GPC5: variants seen among roughly 807,000 people sequenced by gnomAD.
GPC5 encodes the protein glypican-5.
Under a neutral mutation model 53.9 loss-of-function variants are expected in GPC5, and 47 were observed. That is an observed-to-expected ratio of 0.87 (90% CI 0.69 to 1.11). The LOEUF (loss-of-function observed/expected upper bound fraction) is 1.11. GPC5 is among the 50% of genes most tolerant of loss of function. GPC5 has a pLI of 0.00. For missense variants in GPC5, 748 were observed against 713.1 expected, an observed-to-expected ratio of 1.05 and a Z score of -0.56; for synonymous variants, 286 against 263.3, an observed-to-expected ratio of 1.09 and a Z score of -0.84.
intron 6 of GPC5, among the ~76,000 whole-genome samples, chr13:91,930,342 C>T (rs1349281870): frequency 6.6e-6 from 1 of 151,964 alleles, no homozygotes; most frequent in Non-Finnish European, 1.5e-5. Context: ...AACACATATC[C>T]AACCTCAAAT....
At chr13:92,418,967 A>G (rs1410919651) in intron 7 of GPC5, among the ~76,000 whole-genome samples, 1 of 152,230 alleles carries the variant, frequency 6.6e-6, no homozygotes, top group Non-Finnish European at 1.5e-5. Context: ...AACCCTGGAG[A>G]GTAAACATTG....
At chr13:92,405,929 A>G (rs1200732338) in intron 7 of GPC5, among the ~76,000 whole-genome samples, 3 of 152,242 alleles carry the variant, frequency 2.0e-5, no homozygotes, top group Non-Finnish European at 4.4e-5. Flanking sequence ...CCTTCCAAGT[A>G]TCAGAGAGAA....
intron 7 of GPC5, among the ~76,000 whole-genome samples, chr13:92,597,088 G>A (rs1453257932): frequency 2.6e-5 from 4 of 151,934 alleles, no homozygotes; most frequent in South Asian, 2.1e-4. Flanking sequence ...TTTATTTTAC[G>A]AATCACAAAC....
chr13:92,595,685 G>A (rs1483522283), intron 7 of GPC5, among the ~76,000 whole-genome samples: 2 of 145,778 alleles, frequency 1.4e-5, no homozygotes, highest in African/African-American at 5.0e-5. Flanking sequence ...GGAGAATGGC[G>A]TGAACCCGGG....
At chr13:91,777,507 C>T (rs1309276787) in intron 5 of GPC5, among the ~76,000 whole-genome samples, 1 of 152,150 alleles carries the variant, frequency 6.6e-6, no homozygotes, top group African/African-American at 2.4e-5. Context: ...TATAAAATAG[C>T]AGTGCCCAAT....
In GPC5 at chr13:92,038,663, T is replaced by C. The variant is rs563672401; in HGVS notation, c.1402-106167T>C. Among the ~76,000 whole-genome samples the C allele has an allele frequency of 9.6e-4, 130 of 135,750 alleles. 1 individual carries two copies. The Middle Eastern group carries it at 0.037, about 39-fold the overall frequency. The allele number at this position is 135,750 out of a possible 152,430, so 89.1% of individuals were successfully genotyped here. ...CCTCAATGTACAATAAACACTTTAG[T>C]ACAAATCTATATAGATAGATAGATA... is the stretch of plus-strand genomic sequence containing the variant. On this transcript the variant is annotated intron_variant, in intron 6 of 7. Transcript: ENST00000377067.
intron 7 of GPC5, among the ~76,000 whole-genome samples, chr13:92,692,012 C>T (rs745684121): frequency 6.6e-6 from 1 of 152,050 alleles, no homozygotes; most frequent in African/African-American, 2.4e-5. Context: ...AATTTTTCAA[C>T]CCTTGTCCCT....
In GPC5 at chr13:91,693,470, A is replaced by C. The variant is rs763164898; in HGVS notation, c.609A>C (p.Pro203=). 18 of 1,613,996 alleles carry C rather than the reference A, an allele frequency of 1.1e-5. No individual in the cohort carries two copies. Among genetic ancestry groups the C allele is most frequent in the Non-Finnish European group, 1.5e-5 (18 of 1,180,014 alleles). The stretch of plus-strand genomic sequence containing the variant: ...GGATGGCTCGCCGGGATGTGAGTCC[A>C]TTTGGTAATATTCCCCAAAGAGTAA... The part of the protein sequence containing the change: ...CIRMARRDVS[P]FGNIPQRVMG... The change falls in exon 3 of 8, where the codon CCA becomes CCC. Residue 203 remains proline, a synonymous_variant. Transcript: ENST00000377067.
chr13:92,696,383 G>A (rs867983639), intron 7 of GPC5, among the ~76,000 whole-genome samples: 33 of 152,178 alleles, frequency 2.2e-4, no homozygotes, highest in Middle Eastern at 6.8e-3. Flanking sequence ...TTTAATGACC[G>A]CCATTCTAAC....
chr13:92,361,538 T>C (rs2043566961), intron 7 of GPC5, among the ~76,000 whole-genome samples: 1 of 151,486 alleles, frequency 6.6e-6, no homozygotes, highest in East Asian at 1.9e-4. Context: ...GTAAGAAAGG[T>C]TTTTCTGTTC....
At chr13:92,681,779 T>C (rs1347377935) in intron 7 of GPC5, among the ~76,000 whole-genome samples, 6 of 152,188 alleles carry the variant, frequency 3.9e-5, no homozygotes, top group Non-Finnish European at 5.9e-5. Context: ...TTAACTTTGC[T>C]CACAATGTTC....
intron 2 of GPC5, among the ~76,000 whole-genome samples, chr13:91,493,325 C>A (rs1039996357): frequency 6.6e-6 from 1 of 152,142 alleles, no homozygotes; most frequent in South Asian, 2.1e-4. Flanking sequence ...TGCCCTCAAG[C>A]ATTTATCCTT....
At chr13:92,356,037 A>G (rs778059688) in intron 7 of GPC5, among the ~76,000 whole-genome samples, 29 of 151,998 alleles carry the variant, frequency 1.9e-4, no homozygotes, top group Non-Finnish European at 3.8e-4. Flanking sequence ...CTTTTACCCT[A>G]TTTTAGATTC....
chr13:92,385,472 A>G (rs1594155576), intron 7 of GPC5, among the ~76,000 whole-genome samples: 1 of 60,594 alleles, frequency 1.7e-5, no homozygotes, highest in Non-Finnish European at 3.2e-5. Context: ...ACATATATAC[A>G]TATATACATA....
At chr13:92,074,727 C>T (rs1291717247) in intron 6 of GPC5, among the ~76,000 whole-genome samples, 1 of 152,104 alleles carries the variant, frequency 6.6e-6, no homozygotes, top group African/African-American at 2.4e-5. Context: ...TTGTAACCCT[C>T]GAAACTCATT....
chr13:91,683,848 G>A (rs1436562187), intron 2 of GPC5, among the ~76,000 whole-genome samples: 1 of 152,072 alleles, frequency 6.6e-6, no homozygotes. Flanking sequence ...TGACCTCATA[G>A]CCCCCTCCAG....
chr13:92,250,307 C>T (rs1236302335), intron 7 of GPC5, among the ~76,000 whole-genome samples: 1 of 152,154 alleles, frequency 6.6e-6, no homozygotes, highest in Non-Finnish European at 1.5e-5. Context: ...ATACGTGCAA[C>T]TTTCACATGC....
intron 2 of GPC5, among the ~76,000 whole-genome samples, chr13:91,598,081 T>G (rs2139205844): frequency 6.6e-6 from 1 of 152,304 alleles, no homozygotes; most frequent in South Asian, 2.1e-4. Flanking sequence ...TCTACAAGTT[T>G]ACATTTCTGA....
chr13:92,488,256 C>A (rs1879632725), intron 7 of GPC5, among the ~76,000 whole-genome samples: 1 of 152,036 alleles, frequency 6.6e-6, no homozygotes, highest in Non-Finnish European at 1.5e-5. Context: ...ACTAAACAGT[C>A]CAAAATCTTT....
Sources: allele counts gnomAD v4.1 joint callset (sites outside exome capture counted in the v4.1 genomes callset), GRCh38; gene constraint gnomAD v4.1.1; transcripts MANE v1.5; gene names NCBI Gene and HGNC (gene_info 2026-07-23, HGNC 2026-07-21).